Variants in CNTNAP2 observed in about 807,000 individuals in gnomAD.
CNTNAP2 encodes the protein contactin associated protein 2.
CNTNAP2 carries 98 observed loss-of-function variants against 155.2 expected under a neutral mutation model. The observed-to-expected ratio is 0.63, with a 90% CI of 0.54 to 0.75. The LOEUF (loss-of-function observed/expected upper bound fraction) is 0.75. CNTNAP2 is among the 30% of genes least tolerant of loss of function. The pLI is 0.00. For missense variants in CNTNAP2, 1,727 were observed against 1,688.1 expected (o/e 1.02, Z -0.40); for synonymous variants, 651 against 631.2 (o/e 1.03, Z -0.47).
chr7:148,384,823 C>T (rs1799154273), intron 22 of CNTNAP2, among the ~76,000 whole-genome samples: 1 of 152,170 alleles, frequency 6.6e-6, no homozygotes, highest in Non-Finnish European at 1.5e-5. Flanking sequence ...TCCTCAGTTT[C>T]CCCACTTCCT....
chr7:146,676,927 C>T (rs1437916314), intron 1 of CNTNAP2, among the ~76,000 whole-genome samples: 1 of 152,150 alleles, frequency 6.6e-6, no homozygotes, highest in East Asian at 1.9e-4. Context: ...GGGTCACAGC[C>T]AAACCATATT....
At chr7:147,992,176 C>T (rs550951185) in intron 15 of CNTNAP2, among the ~76,000 whole-genome samples, 1 of 134,996 alleles carries the variant, frequency 7.4e-6, no homozygotes, top group South Asian at 2.4e-4. Flanking sequence ...CTCACTGCAA[C>T]CTCCGCCTCC....
rs1801195880 is a variant in CNTNAP2 at position 146,332,001 on chromosome 7, T to G, written c.97+215028T>G. 2.0e-5 allele frequency among the ~76,000 whole-genome samples: 3 copies of G among 152,262 alleles called. No homozygotes were observed. In the South Asian group the frequency reaches 6.2e-4, roughly 32 times the overall value. On this transcript the variant is annotated intron_variant, in intron 1 of 23. Transcript: ENST00000361727. ...AAGTAATCTTTAAATTCTCAGTTAT[T>G]TATTACCACGTACATATATATGTAT...
intron 3 of CNTNAP2, among the ~76,000 whole-genome samples, chr7:146,889,298 T>C (rs1221710384): frequency 6.6e-6 from 1 of 152,186 alleles, no homozygotes; most frequent in Non-Finnish European, 1.5e-5. Flanking sequence ...CTAAAATATG[T>C]GTAAATCTTC....
At chr7:148,033,895 C>T (rs1281613682) in intron 15 of CNTNAP2, among the ~76,000 whole-genome samples, 1 of 152,066 alleles carries the variant, frequency 6.6e-6, no homozygotes, top group Non-Finnish European at 1.5e-5. Flanking sequence ...TCCTATATTC[C>T]TGCCAAGGAG....
chr7:146,643,750 G>A (rs1339809466), intron 1 of CNTNAP2, among the ~76,000 whole-genome samples: 1 of 152,048 alleles, frequency 6.6e-6, no homozygotes, highest in East Asian at 1.9e-4. Context: ...ATTACCTTGG[G>A]CAGTATGGCC....
In CNTNAP2 at chr7:146,828,936, A is replaced by G. The variant is rs191898536; in HGVS notation, c.209-10775A>G. Reference sequence around the variant, plus strand: ...TGGCTTCTGTGTGGAGCAAGAACTTAATCAAATTTGGATTTGCATTCACAT... The same window carrying G: ...TGGCTTCTGTGTGGAGCAAGAACTTGATCAAATTTGGATTTGCATTCACAT... On this transcript the variant is annotated intron_variant, in intron 2 of 23. Coordinates refer to ENST00000361727, the MANE Select transcript of CNTNAP2 (RefSeq NM_014141.6). Among the ~76,000 whole-genome samples, 771 of 152,172 alleles carry G rather than the reference A, an allele frequency of 5.1e-3. 8 individuals are homozygous for G. Among genetic ancestry groups the G allele is most frequent in the African/African-American group, 0.018 (730 of 41,544 alleles).
chr7:146,793,446 G>A (rs1032277419), intron 2 of CNTNAP2, among the ~76,000 whole-genome samples: 7 of 152,234 alleles, frequency 4.6e-5, no homozygotes, highest in Non-Finnish European at 1.0e-4. Context: ...GGGATGTGCA[G>A]GGTGTAATCA....
At chr7:147,470,147 G>T (rs1798191382) in intron 10 of CNTNAP2, among the ~76,000 whole-genome samples, 1 of 152,184 alleles carries the variant, frequency 6.6e-6, no homozygotes, top group Admixed American at 6.5e-5. Flanking sequence ...GACTTTTAAA[G>T]GATCAGCCTG....
intron 12 of CNTNAP2, among the ~76,000 whole-genome samples, chr7:147,603,479 A>G (rs539486008): frequency 1.3e-5 from 2 of 152,296 alleles, no homozygotes; most frequent in South Asian, 4.1e-4. Flanking sequence ...CAATTGCTTC[A>G]AAGAGAATAA....
intron 10 of CNTNAP2, among the ~76,000 whole-genome samples, chr7:147,470,242 C>T (rs1798193013): frequency 6.6e-6 from 1 of 152,198 alleles, no homozygotes; most frequent in Non-Finnish European, 1.5e-5. Flanking sequence ...CAGAAATAAT[C>T]CAAGCATGCT....
intron 2 of CNTNAP2, among the ~76,000 whole-genome samples, chr7:146,793,236 T>C (rs1802705888): frequency 6.6e-6 from 1 of 152,346 alleles, no homozygotes; most frequent in Non-Finnish European, 1.5e-5. Context: ...TGGACTCACA[T>C]AGCCAAATTG....
intron 12 of CNTNAP2, among the ~76,000 whole-genome samples, chr7:147,572,302 TAAAA>T (rs1326970791): frequency 2.7e-5 from 4 of 145,956 alleles, no homozygotes; most frequent in Middle Eastern, 3.3e-3. Flanking sequence ...AACTTCAAAT[TAAAA>T]AAAAAAAAGA....
intron 15 of CNTNAP2, among the ~76,000 whole-genome samples, chr7:148,015,349 T>C (rs1802159647): frequency 6.6e-6 from 1 of 152,188 alleles, no homozygotes; most frequent in African/African-American, 2.4e-5. Flanking sequence ...AAGGTTCCTT[T>C]TGTGTCACAT....
At chr7:147,498,511 C>T (rs866082688) in intron 11 of CNTNAP2, among the ~76,000 whole-genome samples, 5 of 152,070 alleles carry the variant, frequency 3.3e-5, no homozygotes, top group African/African-American at 4.8e-5. Context: ...TGAGCTAACA[C>T]GTATTTTAGA....
chr7:146,427,411 T>A (rs1796109273), intron 1 of CNTNAP2, among the ~76,000 whole-genome samples: 1 of 152,206 alleles, frequency 6.6e-6, no homozygotes, highest in African/African-American at 2.4e-5. Flanking sequence ...TGTGTTTCAA[T>A]AAAGCTTTAT....
intron 13 of CNTNAP2, among the ~76,000 whole-genome samples, chr7:147,752,306 T>A (rs1460941645): frequency 8.9e-6 from 1 of 111,750 alleles, no homozygotes; most frequent in East Asian, 2.7e-4. Flanking sequence ...AAGGGTAACC[T>A]TCAAGGTATT....
intron 1 of CNTNAP2, among the ~76,000 whole-genome samples, chr7:146,773,459 G>A (rs768661468): frequency 1.2e-4 from 18 of 152,242 alleles, no homozygotes; most frequent in South Asian, 4.1e-4. Context: ...GCAGTGGCAC[G>A]ATCTTGGCTC....
chr7:147,103,131 C>T (rs1055780644), intron 4 of CNTNAP2, among the ~76,000 whole-genome samples: 1 of 152,126 alleles, frequency 6.6e-6, no homozygotes, highest in African/African-American at 2.4e-5. Context: ...TGACAACATT[C>T]ACACATTCTA....
Sources: allele counts gnomAD v4.1 joint callset (sites outside exome capture counted in the v4.1 genomes callset), GRCh38; gene constraint gnomAD v4.1.1; transcripts MANE v1.5; gene names NCBI Gene and HGNC (gene_info 2026-07-23, HGNC 2026-07-21).